Variants in CDH20 observed in about 807,000 individuals in gnomAD.
CDH20 encodes the protein cadherin 20.
CDH20 carries 29 observed loss-of-function variants against 74.2 expected under a neutral mutation model. That is an observed-to-expected ratio of 0.39 (90% confidence interval 0.29 to 0.53). The LOEUF (loss-of-function observed/expected upper bound fraction) is 0.53. CDH20 is among the 20% of genes least tolerant of loss of function. The probability of loss-of-function intolerance (pLI) is 0.69; values close to 1 mark genes in which losing one functional copy is unlikely to be tolerated. For missense variants in CDH20, 988 were observed against 1,048.3 expected (o/e 0.94, Z 0.79); for synonymous variants, 469 against 405.4 (o/e 1.16, Z -1.88).
intron 1 of CDH20, among the ~76,000 whole-genome samples, chr18:61,366,639 C>G (rs1026554531): frequency 6.6e-6 from 1 of 151,900 alleles, no homozygotes; most frequent in Non-Finnish European, 1.5e-5. Flanking sequence ...TTTAGACATG[C>G]CTTAATTATA....
intron 2 of CDH20, among the ~76,000 whole-genome samples, chr18:61,496,128 C>A (rs1599125374): frequency 1.9e-5 from 1 of 51,804 alleles, no homozygotes; most frequent in Non-Finnish European, 4.1e-5. Flanking sequence ...CTCTCCCCCT[C>A]TCTCCTCCCT....
At chr18:61,375,204 T>C (rs372864611) in intron 1 of CDH20, among the ~76,000 whole-genome samples, 19 of 152,166 alleles carry the variant, frequency 1.2e-4, no homozygotes, top group African/African-American at 4.1e-4. Flanking sequence ...AGAACTGATA[T>C]AGCGGTAGCA....
At chr18:61,448,431 G>A (rs1274874899) in intron 1 of CDH20, among the ~76,000 whole-genome samples, 4 of 152,172 alleles carry the variant, frequency 2.6e-5, no homozygotes, top group Non-Finnish European at 5.9e-5. Context: ...ATGAGAAAAG[G>A]CAAAAGCCAG....
At chr18:61,402,318 C>T (rs1227710528) in intron 1 of CDH20, among the ~76,000 whole-genome samples, 1 of 152,106 alleles carries the variant, frequency 6.6e-6, no homozygotes, top group African/African-American at 2.4e-5. Context: ...ACTTGGGCCT[C>T]AGCAAATTCT....
At chr18:61,551,328 A>C (rs1368130627) in intron 11 of CDH20, among the ~76,000 whole-genome samples, 4 of 152,230 alleles carry the variant, frequency 2.6e-5, no homozygotes, top group Non-Finnish European at 5.9e-5. Context: ...ATACAAAAGA[A>C]GTCCGAGTTT....
At chr18:61,405,135 C>G (rs1599062713) in intron 1 of CDH20, 1 of 621,534 alleles carries the variant, frequency 1.6e-6, no homozygotes, top group South Asian at 1.4e-5. Flanking sequence ...ATGCTTCTCA[C>G]TTTTTATAAC....
chr18:61,467,601 T>C (rs149251778), intron 1 of CDH20, among the ~76,000 whole-genome samples: 3 of 152,308 alleles, frequency 2.0e-5, no homozygotes, highest in African/African-American at 7.2e-5. Flanking sequence ...CAAACAATTA[T>C]GAGGAAAGAT....
At chr18:61,425,850 A>G (rs1425714140) in intron 1 of CDH20, among the ~76,000 whole-genome samples, 2 of 152,204 alleles carry the variant, frequency 1.3e-5, no homozygotes, top group Non-Finnish European at 2.9e-5. Context: ...AACTATTGAA[A>G]TACATTTTTT....
At chr18:61,389,668 G>T (rs1273974071) in intron 1 of CDH20, among the ~76,000 whole-genome samples, 1 of 152,198 alleles carries the variant, frequency 6.6e-6, no homozygotes, top group Non-Finnish European at 1.5e-5. Context: ...TGAAATGGAT[G>T]AATAATTAGT....
At chr18:61,412,441 C>A (rs1161929647) in intron 1 of CDH20, among the ~76,000 whole-genome samples, 2 of 152,120 alleles carry the variant, frequency 1.3e-5, no homozygotes, top group Non-Finnish European at 2.9e-5. Flanking sequence ...TAAAGGGCCA[C>A]ATATCTTGTT....
rs181948242 is a variant in CDH20 at position 61,464,358 on chromosome 18, T to G, written c.-152-26044T>G. On this transcript the variant is annotated intron_variant, in intron 1 of 11. Transcript: ENST00000262717. ...CATATTGCACAATTCTTATTATTTT[T>G]CCTGTCCAAACCTAGTCTCACCCCT... Among the ~76,000 whole-genome samples, 3 of 152,128 alleles carry G rather than the reference T, an allele frequency of 2.0e-5. No homozygotes were observed. The East Asian group carries it at 5.8e-4, about 29-fold the overall frequency.
intron 1 of CDH20, among the ~76,000 whole-genome samples, chr18:61,380,638 C>T (rs1028859901): frequency 2.6e-5 from 4 of 152,122 alleles, no homozygotes; most frequent in Non-Finnish European, 5.9e-5. Flanking sequence ...GTTGAAATCC[C>T]GTCTCTACTA....
At chr18:61,414,082 T>C (rs774130837) in intron 1 of CDH20, among the ~76,000 whole-genome samples, 4 of 152,180 alleles carry the variant, frequency 2.6e-5, no homozygotes, top group African/African-American at 4.8e-5. Context: ...TGAATTCTTA[T>C]GAATGAGTCT....
intron 1 of CDH20, among the ~76,000 whole-genome samples, chr18:61,350,756 G>A (rs1910277506): frequency 6.6e-6 from 1 of 152,096 alleles, no homozygotes; most frequent in Admixed American, 6.5e-5. Context: ...TCAGAAATTT[G>A]GGCTGCTTCC....
At chr18:61,376,413 T>C (rs1911234092) in intron 1 of CDH20, among the ~76,000 whole-genome samples, 1 of 152,168 alleles carries the variant, frequency 6.6e-6, no homozygotes, top group Admixed American at 6.6e-5. Context: ...CTGTTCACAT[T>C]ATCTAAGAGA....
chr18:61,389,615 G>A (rs755367371), intron 1 of CDH20, among the ~76,000 whole-genome samples: 95 of 152,284 alleles, frequency 6.2e-4, no homozygotes, highest in Non-Finnish European at 9.3e-4. Context: ...AAGAAGTTAT[G>A]ACATCTAAGC....
intron 1 of CDH20, among the ~76,000 whole-genome samples, chr18:61,339,142 G>C (rs1909852779): frequency 6.6e-6 from 1 of 151,994 alleles, no homozygotes; most frequent in Non-Finnish European, 1.5e-5. Context: ...GAGAAAGTAG[G>C]AAATCTTTAA....
chr18:61,452,620 CTAATA>C (rs1485786850), intron 1 of CDH20, among the ~76,000 whole-genome samples: 6 of 152,274 alleles, frequency 3.9e-5, no homozygotes, highest in African/African-American at 1.4e-4. Context: ...TAAGGCATTT[CTAATA>C]TGTTTTTTAT....
Position 61,414,771 on chromosome 18 carries a change from A to T in CDH20, c.-152-75631A>T, listed in dbSNP as rs550058056. On this transcript the variant is annotated intron_variant, in intron 1 of 11. Coordinates refer to ENST00000262717, the MANE Select transcript of CDH20 (RefSeq NM_031891.4). ...TCAGAGAAGAGGCGAGAATTTTTTTATGTTTATTAAAATAATTATTAAGAA... is the reference window on the plus strand; with the variant it reads ...TCAGAGAAGAGGCGAGAATTTTTTTTTGTTTATTAAAATAATTATTAAGAA... Among the ~76,000 whole-genome samples, 327 of 151,954 alleles carry T rather than the reference A, an allele frequency of 2.2e-3. 2 individuals are homozygous for T. Among genetic ancestry groups the T allele is most frequent in the Non-Finnish European group, 1.9e-3 (129 of 67,894 alleles).
Sources: gnomAD v4.1 joint callset for allele counts (sites outside exome capture counted in the v4.1 genomes callset) on GRCh38, gnomAD v4.1.1 for gene constraint, MANE v1.5 for transcripts, NCBI Gene and HGNC (gene_info 2026-07-23, HGNC 2026-07-21) for gene names.